PCDHGB2: variants seen among roughly 807,000 people sequenced by gnomAD.
PCDHGB2 encodes protocadherin gamma subfamily B, 2, also known as protocadherin gamma-B2.
In PCDHGB2, 55 loss-of-function variants were observed where a neutral mutation model predicts 59.3. The observed-to-expected ratio is 0.93, with a 90% CI of 0.75 to 1.16. The LOEUF is 1.16. PCDHGB2 is among the 50% of genes most tolerant of loss of function. The pLI is 0.00. For missense variants in PCDHGB2, 1,228 were observed against 1,198.5 expected (o/e 1.02, Z -0.36); for synonymous variants, 516 against 512.0 (o/e 1.01, Z -0.11).
chr5:141,393,126 A>T, intron 1 of PCDHGB2: 1 of 1,613,436 alleles, frequency 6.2e-7, no homozygotes, highest in Non-Finnish European at 8.5e-7. Context: ...GTGTCTGATA[A>T]ATATTAACAC....
chr5:141,364,267 T>C, intron 1 of PCDHGB2: 1 of 1,511,636 alleles, frequency 6.6e-7, no homozygotes, highest in Non-Finnish European at 8.8e-7. Flanking sequence ...CCCATCGGCT[T>C]TAGATAAATA....
rs2093981639 is a variant in PCDHGB2 at position 141,400,215 on chromosome 5, A to G, written c.2421+37659A>G. On this transcript the variant is annotated intron_variant, in intron 1 of 3. Transcript: ENST00000522605. ...TAGTGGTGGCCTTGGCCTTGATCTC[A>G]GTGCTCTTCCTCCTGGCCGTGATTC... 3 of 1,613,736 alleles carry G rather than the reference A, an allele frequency of 1.9e-6. No individual in the cohort carries two copies. The East Asian group carries it at 6.7e-5, about 36-fold the overall frequency.
intron 1 of PCDHGB2, chr5:141,478,935 A>G: frequency 1.6e-6 from 1 of 638,574 alleles, no homozygotes. Flanking sequence ...GGCAGCTTCT[A>G]GGAATACAAA....
intron 1 of PCDHGB2, among the ~76,000 whole-genome samples, chr5:141,426,065 G>C (rs1214623774): frequency 1.3e-5 from 2 of 152,184 alleles, no homozygotes; most frequent in East Asian, 3.8e-4. Flanking sequence ...GCAAGAACTG[G>C]AGCCTGGGAT....
rs11410533 is a variant in PCDHGB2, at chr5:141,429,387, TA to T, written c.2422-65412del. ...AAATGGAGAAAATGTGTTTTTTTTT[TA>T]AAAAAAATTGAGATTAAGGTCTCAT... On this transcript the variant is annotated intron_variant, in intron 1 of 3. Transcript: ENST00000522605. Among the ~76,000 whole-genome samples, 10 of 151,446 alleles carry T rather than the reference TA, an allele frequency of 6.6e-5. No individual in the cohort carries two copies. In the South Asian group the frequency reaches 1.0e-3, roughly 16 times the overall value.
At chr5:141,419,762 AAGGACTCG>A (rs1468964539) in intron 1 of PCDHGB2, 2 of 1,614,008 alleles carry the variant, frequency 1.2e-6, no homozygotes, top group South Asian at 2.2e-5. Context: ...TTTGGGTGAC[AAGGACTCG>A]GTCCGCCAGC....
intron 1 of PCDHGB2, chr5:141,383,664 G>T (rs1486639863): frequency 6.2e-7 from 1 of 1,614,052 alleles, no homozygotes; most frequent in Non-Finnish European, 8.5e-7. Flanking sequence ...CCGAGAATGT[G>T]CCAGTGGGTA....
chr5:141,451,740 G>A (rs370710201), intron 1 of PCDHGB2, among the ~76,000 whole-genome samples: 1 of 152,108 alleles, frequency 6.6e-6, no homozygotes, highest in Non-Finnish European at 1.5e-5. Context: ...AAATTAGCTG[G>A]TCTGGTGGTG....
At chr5:141,415,738 AGGTTTTT>A in intron 1 of PCDHGB2, 2 of 538,082 alleles carry the variant, frequency 3.7e-6, no homozygotes, top group Non-Finnish European at 5.4e-6. Flanking sequence ...ATGTTTATTA[AGGTTTTT>A]TTTTTTTTTT....
At chr5:141,502,932 C>T (rs1039438031) in intron 2 of PCDHGB2, among the ~76,000 whole-genome samples, 2 of 143,766 alleles carry the variant, frequency 1.4e-5, no homozygotes, top group African/African-American at 5.3e-5. Context: ...CAACCTTCAC[C>T]TCCTGGGTTC....
rs953803165 is a variant in PCDHGB2, at chr5:141,392,978, C to A, written c.2421+30422C>A. 2.5e-6 allele frequency: 4 copies of A among 1,613,808 alleles called. No individual in the cohort carries two copies. The highest frequency in any genetic ancestry group is 1.7e-4 in the Middle Eastern group (1 of 6,054). Reference sequence around the variant, plus strand: ...ATATCTCCAAGGACCTGGGGCTGGACCCCCGGAAGCTGGCGAAGCACGGAG... The same window carrying A: ...ATATCTCCAAGGACCTGGGGCTGGAACCCCGGAAGCTGGCGAAGCACGGAG... On this transcript the variant is annotated intron_variant, in intron 1 of 3. Coordinates refer to ENST00000522605, the MANE Select transcript of PCDHGB2 (RefSeq NM_018923.3).
At chr5:141,447,696 G>A (rs1273958794) in intron 1 of PCDHGB2, among the ~76,000 whole-genome samples, 1 of 152,096 alleles carries the variant, frequency 6.6e-6, no homozygotes, top group Non-Finnish European at 1.5e-5. Context: ...TAGAGGGATG[G>A]GTTATAAGGA....
rs151297289 is a variant in PCDHGB2, at chr5:141,381,401, A to G, written c.2421+18845A>G. Among the ~76,000 whole-genome samples the G allele has an allele frequency of 6.6e-4, 101 of 152,344 alleles. 2 individuals are homozygous for G. The highest frequency in any genetic ancestry group is 2.3e-3 in the African/African-American group (97 of 41,586). On this transcript the variant is annotated intron_variant, in intron 1 of 3. Transcript: ENST00000522605. ...TCAATAATTTAGTTTTACTCTATCA[A>G]CATCAGTGGAGAGACGAGTACCTCT...
intron 1 of PCDHGB2, chr5:141,393,874 G>T (rs1226947734): frequency 1.2e-6 from 2 of 1,613,826 alleles, no homozygotes; most frequent in Non-Finnish European, 1.7e-6. Flanking sequence ...TCTTTGTTTA[G>T]CCCAGTGTTA....
chr5:141,500,350 A>G (rs2099799466), intron 2 of PCDHGB2, among the ~76,000 whole-genome samples: 1 of 151,976 alleles, frequency 6.6e-6, no homozygotes, highest in African/African-American at 2.4e-5. Flanking sequence ...CTGGGACTAC[A>G]GGCGCCCACT....
chr5:141,364,374 T>C (rs1015001809), intron 1 of PCDHGB2: 42 of 1,573,582 alleles, frequency 2.7e-5, no homozygotes, highest in Non-Finnish European at 3.6e-5. Flanking sequence ...GAGCTGCTGC[T>C]GCCCTTCATG....
In PCDHGB2 at chr5:141,486,853, C is replaced by T. The variant is rs1401626024; in HGVS notation, c.2422-7954C>T. The stretch of plus-strand genomic sequence containing the variant: ...GTCTATTTGTGCTGGACCTCAATGA[C>T]AATGCTCCAGCTGTGCTCCGTCCTC... On this transcript the variant is annotated intron_variant, in intron 1 of 3. Coordinates refer to ENST00000522605, the MANE Select transcript of PCDHGB2 (RefSeq NM_018923.3). This position sits in a 1 kb window ranked among gnomAD's most constrained non-coding sequence, Gnocchi z 5.0. 6.2e-7 allele frequency: 1 copy of T among 1,614,244 alleles called. No individual in the cohort carries two copies. The highest frequency in any genetic ancestry group is 2.2e-5 in the East Asian group (1 of 44,886).
Position 141,511,579 on chromosome 5 carries a change from G to T in PCDHGB2, c.*406G>T. The T allele has an allele frequency of 3.6e-6, 1 of 280,798 alleles. No individual in the cohort carries two copies. Among genetic ancestry groups the T allele is most frequent in the South Asian group, 4.1e-5 (1 of 24,614 alleles). 17.4% of individuals were successfully genotyped at this position (280,798 alleles called of 1,614,324 possible). On this transcript the variant is annotated 3_prime_UTR_variant, in exon 4 of 4. Transcript: ENST00000522605. Reference sequence around the variant, plus strand: ...CCTCTTTCCCGAGTAAGGTGGTTGGGGTGTTGAAGTACCAAGTAACCTACA... The same window carrying T: ...CCTCTTTCCCGAGTAAGGTGGTTGGTGTGTTGAAGTACCAAGTAACCTACA...
In PCDHGB2 at chr5:141,390,005, G is replaced by A. The variant is rs886109174; in HGVS notation, c.2421+27449G>A. 2.5e-6 allele frequency: 4 copies of A among 1,613,860 alleles called. No individual in the cohort carries two copies. In the African/African-American group the frequency reaches 5.3e-5, roughly 22 times the overall value. ...TGCTCTTCCTCGTGGCCATGATTCT[G>A]GCCATTGCCTTGCGCCTGCGACGCT... On this transcript the variant is annotated intron_variant, in intron 1 of 3. Coordinates refer to ENST00000522605, the MANE Select transcript of PCDHGB2 (RefSeq NM_018923.3).
Sources: gnomAD v4.1 joint callset for allele counts (sites outside exome capture counted in the v4.1 genomes callset) on GRCh38, gnomAD v4.1.1 for gene constraint, Gnocchi (gnomAD v3.1) non-coding constraint, MANE v1.5 for transcripts, NCBI Gene and HGNC (gene_info 2026-07-23, HGNC 2026-07-21) for gene names.